Variants in SLC7A8 observed in about 807,000 individuals in gnomAD.
SLC7A8 encodes the protein large neutral amino acids transporter small subunit 2.
In SLC7A8, 30 loss-of-function variants were observed where a neutral mutation model predicts 51.2. That is an observed-to-expected ratio of 0.59 (90% confidence interval 0.44 to 0.80). SLC7A8 has a LOEUF of 0.80. Among genes scored for constraint, SLC7A8 ranks in the 30% least tolerant of loss-of-function variants. The pLI is 0.00. For missense variants in SLC7A8, 612 were observed against 674.4 expected (o/e 0.91, Z 1.03); for synonymous variants, 257 against 275.8 (o/e 0.93, Z 0.67).
chr14:23,143,280 C>G (rs2273394), intron 3 of SLC7A8, 76 bp from the exon 4 acceptor site: 1,224,547 of 1,583,254 alleles, frequency 0.77, 474,603 homozygotes, highest in Admixed American at 0.84. Flanking sequence ...ACAAGCAGAA[C>G]TGCTCCCTCA....
intron 3 of SLC7A8, among the ~76,000 whole-genome samples, chr14:23,161,489 AC>A (rs2048921898): frequency 6.7e-6 from 1 of 149,726 alleles, no homozygotes; most frequent in Non-Finnish European, 1.5e-5. Flanking sequence ...CCACACCGGA[AC>A]TCTCTACTGC....
chr14:23,152,102 A>G (rs1358886275), intron 3 of SLC7A8, among the ~76,000 whole-genome samples: 1 of 152,130 alleles, frequency 6.6e-6, no homozygotes, highest in Non-Finnish European at 1.5e-5. Context: ...CTAAGAGTAC[A>G]CGTTATTCCC....
In SLC7A8 at chr14:23,179,217, C is replaced by G. The variant is rs1877054629; in HGVS notation, c.151+3547G>C. ...TTCCCACCATTCACATAACTTTGCCCTACTTTAGCTCTTTCACAACTAAAC... is the reference window on the plus strand; with the variant it reads ...TTCCCACCATTCACATAACTTTGCCGTACTTTAGCTCTTTCACAACTAAAC... On this transcript the variant is annotated intron_variant, in intron 1 of 10. Coordinates refer to ENST00000316902, the MANE Select transcript of SLC7A8 (RefSeq NM_012244.4). Among the ~76,000 whole-genome samples, 3 of 152,270 alleles carry G rather than the reference C, an allele frequency of 2.0e-5. No homozygotes were observed. The South Asian group carries it at 6.2e-4, about 32-fold the overall frequency.
intron 1 of SLC7A8, among the ~76,000 whole-genome samples, chr14:23,176,760 G>T (rs945527108): frequency 1.3e-5 from 2 of 151,966 alleles, no homozygotes; most frequent in Non-Finnish European, 2.9e-5. Flanking sequence ...TGGCCAACAT[G>T]GTGAAACCCT....
Position 23,127,110 on chromosome 14 carries a change from C to A in SLC7A8, c.*67G>T, listed in dbSNP as rs1021077770. The A allele has an allele frequency of 6.3e-7, 1 of 1,586,278 alleles. No homozygotes were observed. The highest frequency in any genetic ancestry group is 2.2e-5 in the East Asian group (1 of 44,514). ...GTGTGTGTGTACTCGCATGTGTTGG[C>A]AGGACCAAGGCAGGGAGGTAGGATA... On this transcript the variant is annotated 3_prime_UTR_variant, in exon 11 of 11. Coordinates refer to ENST00000316902, the MANE Select transcript of SLC7A8 (RefSeq NM_012244.4).
chr14:23,135,495 G>A (rs1481743797), intron 7 of SLC7A8, among the ~76,000 whole-genome samples: 2 of 151,330 alleles, frequency 1.3e-5, no homozygotes, highest in Non-Finnish European at 3.0e-5. Flanking sequence ...GAGGTCAGGA[G>A]ATCAAGACCG....
intron 1 of SLC7A8, among the ~76,000 whole-genome samples, chr14:23,168,662 C>T (rs780037849): frequency 6.6e-6 from 1 of 152,088 alleles, no homozygotes; most frequent in Admixed American, 6.5e-5. Context: ...CTTCTTAGAG[C>T]CAAGAATGGC....
chr14:23,128,263 G>C lies in SLC7A8; in HGVS notation c.1264-67C>G, dbSNP rs1380612597. On this transcript the variant is annotated intron_variant, in intron 9 of 10. Coordinates refer to ENST00000316902, the MANE Select transcript of SLC7A8 (RefSeq NM_012244.4). This position sits in a 1 kb window ranked among gnomAD's most constrained non-coding sequence, Gnocchi z 4.3. ...CGTGGCCCCCAGGACTAGGGACTGG[G>C]GCATTCTCTCTCTTCTTCACCCACA... 1 of 1,594,160 alleles carries C rather than the reference G, an allele frequency of 6.3e-7. No individual in the cohort carries two copies. The highest frequency in any genetic ancestry group is 2.3e-5 in the East Asian group (1 of 44,220).
chr14:23,128,986 G>A lies in SLC7A8; in HGVS notation c.1263+664C>T, dbSNP rs28616796. On this transcript the variant is annotated intron_variant, in intron 9 of 10. Coordinates refer to ENST00000316902, the MANE Select transcript of SLC7A8 (RefSeq NM_012244.4). This position sits in a 1 kb window ranked among gnomAD's most constrained non-coding sequence, Gnocchi z 4.3. ...GCATCTAGTCACTGTTTCTAGAATAGGATTGTTCAAATAGCTCTGGAGTAC... is the reference window on the plus strand; with the variant it reads ...GCATCTAGTCACTGTTTCTAGAATAAGATTGTTCAAATAGCTCTGGAGTAC... Among the ~76,000 whole-genome samples the A allele has an allele frequency of 0.03, 4,569 of 152,284 alleles. 201 individuals are homozygous for A. The highest frequency in any genetic ancestry group is 0.092 in the African/African-American group (3,821 of 41,540).
intron 1 of SLC7A8, among the ~76,000 whole-genome samples, chr14:23,172,407 C>T (rs137992118): frequency 1.3e-5 from 2 of 152,318 alleles, no homozygotes; most frequent in African/African-American, 4.8e-5. Flanking sequence ...CCACTCTGTA[C>T]ATGCTTGTTT....
rs1314504845 is a variant in SLC7A8, at chr14:23,127,315, C to T, written c.1470G>A (p.Met490Ile). 4 of 1,614,016 alleles carry T rather than the reference C, an allele frequency of 2.5e-6. No individual in the cohort carries two copies. The highest frequency in any genetic ancestry group is 1.3e-5 in the African/African-American group (1 of 74,932). Residue 490 changes from methionine to isoleucine, a missense_variant, in exon 11 of 11, where the codon ATG becomes ATA. Physicochemically the swap from Met to Ile is conservative, Grantham distance 10. Transcript: ENST00000316902. ...CCACCTCGGGGTACACGACCACACA[C>T]ATCTTCTGGCTCACCAGGGTTAGCA... is the stretch of plus-strand genomic sequence containing the variant. ...IELLTLVSQK[M>I]CVVVYPEVER... is the part of the protein sequence containing the mutation.
At chr14:23,131,581 G>A (rs377023515) in intron 7 of SLC7A8, 24 bp from the exon 8 acceptor site, 6 of 1,568,182 alleles carry the variant, frequency 3.8e-6, no homozygotes, top group Non-Finnish European at 5.2e-6. Flanking sequence ...AAGCAGGTCA[G>A]CCTGGGATAA....
chr14:23,167,065 G>A (rs571867117), intron 1 of SLC7A8, among the ~76,000 whole-genome samples: 98 of 152,178 alleles, frequency 6.4e-4, no homozygotes, highest in Non-Finnish European at 1.1e-3. Context: ...GACAGATTGC[G>A]GTCATACCCC....
At chr14:23,171,039 T>A (rs1408494247) in intron 1 of SLC7A8, among the ~76,000 whole-genome samples, 1 of 151,640 alleles carries the variant, frequency 6.6e-6, no homozygotes, top group Non-Finnish European at 1.5e-5. Flanking sequence ...AACACACGTT[T>A]CTTGATGAGA....
chr14:23,128,296 A>T lies in SLC7A8; in HGVS notation c.1264-100T>A. The stretch of plus-strand genomic sequence containing the variant: ...CTCTCTTCTTCACCCACAGAGACAC[A>T]TCCTCAAGGGCAAAGGCTGGGCTTC... On this transcript the variant is annotated intron_variant, in intron 9 of 10. Transcript: ENST00000316902. This position sits in a 1 kb window ranked among gnomAD's most constrained non-coding sequence, Gnocchi z 4.3. The T allele has an allele frequency of 1.3e-6, 2 of 1,562,038 alleles. No individual in the cohort carries two copies. Among genetic ancestry groups the T allele is most frequent in the Non-Finnish European group, 1.7e-6 (2 of 1,154,896 alleles).
rs921023402 is a variant in SLC7A8 at position 23,155,257 on chromosome 14, G to A, written c.508+10028C>T. ...TCTCTCTTCCAAGGACACACCAGCA[G>A]AGGAGGAGGGTGCAGAGAAGCTGTG... On this transcript the variant is annotated intron_variant, in intron 3 of 10. Coordinates refer to ENST00000316902, the MANE Select transcript of SLC7A8 (RefSeq NM_012244.4). 3 of 1,536,022 alleles carry A rather than the reference G, an allele frequency of 2.0e-6. No homozygotes were observed. In the African/African-American group the frequency reaches 4.1e-5, roughly 21 times the overall value.
At chr14:23,147,246 C>T (rs922595607) in intron 3 of SLC7A8, among the ~76,000 whole-genome samples, 10 of 152,320 alleles carry the variant, frequency 6.6e-5, no homozygotes, top group South Asian at 4.1e-4. Context: ...TCTATCCATC[C>T]ACCCATCTAC....
At chr14:23,155,116 C>G (rs1312883244) in intron 3 of SLC7A8, 5 of 1,503,174 alleles carry the variant, frequency 3.3e-6, no homozygotes, top group Non-Finnish European at 4.5e-6. Context: ...GCCTATCGCA[C>G]GATAGTAACA....
intron 3 of SLC7A8, among the ~76,000 whole-genome samples, chr14:23,159,722 C>A (rs912656738): frequency 6.6e-6 from 1 of 152,194 alleles, no homozygotes; most frequent in African/African-American, 2.4e-5. Context: ...GCATTCTGCA[C>A]CAGGCAGTTG....
Sources: gnomAD v4.1 joint callset for allele counts (sites outside exome capture counted in the v4.1 genomes callset) on GRCh38, gnomAD v4.1.1 for gene constraint, Gnocchi (gnomAD v3.1) non-coding constraint, MANE v1.5 for transcripts, NCBI Gene and HGNC (gene_info 2026-07-23, HGNC 2026-07-21) for gene names.